DNAJC8: variants seen among roughly 807,000 people sequenced by gnomAD.
The protein encoded by DNAJC8 is dnaJ homolog subfamily C member 8.
DNAJC8 carries 24 observed loss-of-function variants against 43.2 expected under a neutral mutation model. The observed-to-expected ratio is 0.56, with a 90% CI of 0.40 to 0.78. The LOEUF is 0.78. Ranked by LOEUF, DNAJC8 falls within the 30% of genes least tolerant of loss-of-function variation. The probability of loss-of-function intolerance (pLI) is 0.00; values close to 1 mark genes in which losing one functional copy is unlikely to be tolerated. For synonymous variants in DNAJC8, 83 were observed against 98.0 expected (o/e 0.85, Z 0.90); for missense variants, 207 against 299.4 (o/e 0.69, Z 2.28).
chr1:28,214,793 A>G, intron 3 of DNAJC8, 147 bp downstream of exon 3: 1 of 512,494 alleles, frequency 2.0e-6, no homozygotes, highest in Admixed American at 3.5e-5. Context: ...ATATATTATT[A>G]TGAGCTTTTT....
chr1:28,212,753 C>G (rs898296678), intron 3 of DNAJC8, among the ~76,000 whole-genome samples: 31 of 152,264 alleles, frequency 2.0e-4, no homozygotes, highest in African/African-American at 6.7e-4. Context: ...GGGAATCTAA[C>G]GCTCCGTTCA....
chr1:28,216,747 G>A (rs1245906584), intron 2 of DNAJC8, among the ~76,000 whole-genome samples: 2 of 151,746 alleles, frequency 1.3e-5, no homozygotes, highest in East Asian at 3.9e-4. Context: ...GTTTTCCTAT[G>A]GCTAAAGTTT....
intron 3 of DNAJC8, among the ~76,000 whole-genome samples, chr1:28,212,038 AC>A (rs1407771441): frequency 6.6e-6 from 1 of 150,714 alleles, no homozygotes; most frequent in Non-Finnish European, 1.5e-5. Flanking sequence ...CATCTATAAT[AC>A]CAGCTACTCA....
chr1:28,209,005 C>T (rs1572061410), intron 5 of DNAJC8, among the ~76,000 whole-genome samples: 1 of 152,162 alleles, frequency 6.6e-6, no homozygotes, highest in Non-Finnish European at 1.5e-5. Context: ...GTCTATTATA[C>T]CAGCAAAGGC....
In DNAJC8 at chr1:28,216,258, A is replaced by T. The variant is rs191404426; in HGVS notation, c.181-1262T>A. 4.9e-3 allele frequency among the ~76,000 whole-genome samples: 742 copies of T among 152,302 alleles called. 4 individuals carry two copies. Among genetic ancestry groups the T allele is most frequent in the Non-Finnish European group, 8.6e-3 (585 of 68,022 alleles). On this transcript the variant is annotated intron_variant, in intron 2 of 8. Transcript: ENST00000263697. ...TTTCAAGTCAGTGCGCCCCACTCTC[A>T]TAACTTCCCAAGGAGAAAGGAACTG...
chr1:28,202,114 T>C (rs1646738132), intron 8 of DNAJC8, among the ~76,000 whole-genome samples: 1 of 152,084 alleles, frequency 6.6e-6, no homozygotes, highest in African/African-American at 2.4e-5. Flanking sequence ...AATAGAGCTT[T>C]CTTCCCACTC....
intron 1 of DNAJC8, 60 bp downstream of exon 1, chr1:28,232,861 C>T: frequency 6.3e-7 from 1 of 1,582,908 alleles, no homozygotes. Context: ...CCTTTGTCCA[C>T]TGGGAAAGCA....
chr1:28,228,482 A>G (rs548154257), intron 2 of DNAJC8, among the ~76,000 whole-genome samples: 38 of 152,198 alleles, frequency 2.5e-4, no homozygotes, highest in Non-Finnish European at 2.4e-4. Context: ...TTTCCTTAAC[A>G]TGCTGTCTCT....
chr1:28,206,136 G>C (rs1246899543), intron 6 of DNAJC8, among the ~76,000 whole-genome samples: 1 of 152,074 alleles, frequency 6.6e-6, no homozygotes, highest in Non-Finnish European at 1.5e-5. Flanking sequence ...AGGCTGCAGT[G>C]AGCCATGACT....
At chr1:28,230,163 G>A (rs1269518747) in intron 1 of DNAJC8, 1 of 152,092 alleles carries the variant, frequency 6.6e-6, no homozygotes, top group East Asian at 1.9e-4. Flanking sequence ...CAAGCACCAG[G>A]CAGTCCCAGG....
intron 2 of DNAJC8, among the ~76,000 whole-genome samples, chr1:28,215,863 A>AT (rs113486592): frequency 0.36 from 50,720 of 139,518 alleles, 9,756 homozygotes; most frequent in African/African-American, 0.54. Context: ...TAAACAAATA[A>AT]TTTTTTTTTT....
chr1:28,222,355 A>G (rs902659350), intron 2 of DNAJC8, among the ~76,000 whole-genome samples: 5 of 151,778 alleles, frequency 3.3e-5, no homozygotes, highest in Admixed American at 6.6e-5. Flanking sequence ...ATGTGGTGGC[A>G]TGCACCTGTA....
chr1:28,213,327 T>C (rs1278520635), intron 3 of DNAJC8, among the ~76,000 whole-genome samples: 2 of 151,866 alleles, frequency 1.3e-5, no homozygotes, highest in Non-Finnish European at 2.9e-5. Flanking sequence ...TGATTAGTAA[T>C]GCATATTAGA....
At chr1:28,222,720 G>A (rs1271863621) in intron 2 of DNAJC8, among the ~76,000 whole-genome samples, 2 of 152,098 alleles carry the variant, frequency 1.3e-5, no homozygotes, top group Non-Finnish European at 1.5e-5. Flanking sequence ...GAACAAGGAA[G>A]GCAGTGACCA....
intron 1 of DNAJC8, among the ~76,000 whole-genome samples, chr1:28,231,109 G>A (rs764940287): frequency 9.9e-5 from 15 of 152,162 alleles, no homozygotes; most frequent in Non-Finnish European, 1.9e-4. Context: ...AGTGGCTCAT[G>A]CCTGTAATCC....
At chr1:28,231,051 A>C (rs1646970412) in intron 1 of DNAJC8, among the ~76,000 whole-genome samples, 1 of 152,176 alleles carries the variant, frequency 6.6e-6, no homozygotes, top group Non-Finnish European at 1.5e-5. Flanking sequence ...CAATAACTTT[A>C]GTCCTCATGA....
intron 2 of DNAJC8, among the ~76,000 whole-genome samples, chr1:28,222,380 G>A (rs1302044905): frequency 6.6e-6 from 1 of 151,346 alleles, no homozygotes; most frequent in Non-Finnish European, 1.5e-5. Flanking sequence ...CAGCTACTCA[G>A]GAGGCTGAGA....
At chr1:28,213,644 A>G (rs1316910040) in intron 3 of DNAJC8, among the ~76,000 whole-genome samples, 3 of 152,202 alleles carry the variant, frequency 2.0e-5, no homozygotes, top group African/African-American at 7.2e-5. Context: ...GAAGCTAAGG[A>G]AAGTTTTTTT....
intron 2 of DNAJC8, among the ~76,000 whole-genome samples, chr1:28,218,091 A>G (rs1281601773): frequency 7.5e-6 from 1 of 133,462 alleles, no homozygotes; most frequent in Non-Finnish European, 1.6e-5. Flanking sequence ...GATGGTTTCT[A>G]TTCTTTTTTT....
Sources: allele counts gnomAD v4.1 joint callset (sites outside exome capture counted in the v4.1 genomes callset), GRCh38; gene constraint gnomAD v4.1.1; transcripts MANE v1.5; gene names NCBI Gene and HGNC (gene_info 2026-07-23, HGNC 2026-07-21).